The following PCDH15 variants were observed in gnomAD, a reference collection of about 807,000 sequenced individuals.
PCDH15 encodes the protein protocadherin related 15.
A neutral mutation model predicts 178.5 loss-of-function variants in PCDH15; 129 were observed. That is an observed-to-expected ratio of 0.72 (90% CI 0.63 to 0.84). The LOEUF (loss-of-function observed/expected upper bound fraction) is 0.84, where lower values mean the gene tolerates loss of function less well. Ranked by LOEUF, PCDH15 falls within the 40% of genes least tolerant of loss-of-function variation. The pLI is 0.00. For missense variants in PCDH15, 2,230 were observed against 2,099.9 expected, an observed-to-expected ratio of 1.06 and a Z score of -1.21; for synonymous variants, 800 against 732.0, an observed-to-expected ratio of 1.09 and a Z score of -1.50.
At chr10:54,164,412 C>T (rs996746186) in intron 13 of PCDH15, among the ~76,000 whole-genome samples, 2 of 151,964 alleles carry the variant, frequency 1.3e-5, no homozygotes, top group Non-Finnish European at 2.9e-5. Flanking sequence ...TTTGGATGGG[C>T]AACATAAAAC....
At chr10:54,369,308 T>G (rs765607426) in intron 4 of PCDH15, 33 bp from the exon 5 acceptor site, 1 of 1,600,956 alleles carries the variant, frequency 6.2e-7, no homozygotes. Flanking sequence ...TTTAAAATAC[T>G]AATTAAAAAC....
At chr10:54,497,912 A>G (rs1359638265) in intron 3 of PCDH15, among the ~76,000 whole-genome samples, 3 of 152,098 alleles carry the variant, frequency 2.0e-5, no homozygotes, top group Admixed American at 6.6e-5. Context: ...AATTTCTCCA[A>G]CTTGCTAGAG....
intron 1 of PCDH15, among the ~76,000 whole-genome samples, chr10:54,731,040 T>G (rs1197244564): frequency 2.0e-5 from 3 of 151,250 alleles, no homozygotes; most frequent in African/African-American, 7.3e-5. Flanking sequence ...CCAGAATATA[T>G]AAGGAGCTCA....
intron 2 of PCDH15, among the ~76,000 whole-genome samples, chr10:54,599,330 C>G (rs117914576): frequency 2.2e-3 from 341 of 151,960 alleles, no homozygotes; most frequent in Non-Finnish European, 3.8e-3. Flanking sequence ...AAAAACAAAA[C>G]AGAGAGTCAA....
intron 2 of PCDH15, among the ~76,000 whole-genome samples, chr10:55,084,956 A>T (rs1225128430): frequency 6.6e-6 from 1 of 151,950 alleles, no homozygotes; most frequent in Non-Finnish European, 1.5e-5. Flanking sequence ...AAGGAAAGGG[A>T]CCTCACATAC....
At chr10:55,616,562 T>G (rs1843481983) in intron 2 of PCDH15, among the ~76,000 whole-genome samples, 1 of 151,706 alleles carries the variant, frequency 6.6e-6, no homozygotes, top group Non-Finnish European at 1.5e-5. Context: ...TACAGAAATT[T>G]GTAATGAGAA....
chr10:54,261,143 T>C (rs982888533), intron 8 of PCDH15, among the ~76,000 whole-genome samples: 5 of 152,132 alleles, frequency 3.3e-5, no homozygotes, highest in African/African-American at 9.7e-5. Flanking sequence ...GATAAAGACA[T>C]AAAAATGAAG....
intron 10 of PCDH15, among the ~76,000 whole-genome samples, chr10:54,206,477 C>T (rs1490712285): frequency 1.3e-5 from 2 of 151,920 alleles, no homozygotes; most frequent in African/African-American, 2.4e-5. Context: ...ATTATTTTAT[C>T]CTGCCTTTTG....
At chr10:55,602,901 G>A (rs757761377) in intron 2 of PCDH15, among the ~76,000 whole-genome samples, 3 of 152,178 alleles carry the variant, frequency 2.0e-5, no homozygotes, top group Non-Finnish European at 4.4e-5. Context: ...TGACTTTGAT[G>A]AGCTGAGAGA....
Position 53,876,203 on chromosome 10 carries a change from T to TG in PCDH15, c.3502-9347_3502-9346insC, listed in dbSNP as rs1459906437. ...GTTTTTTTTTTTGTTTTTTTGTTTT[T>TG]TTTTTGACACAGTCTTGCTCTGTCA... On this transcript the variant is annotated intron_variant, in intron 26 of 37. Coordinates refer to ENST00000644397, the MANE Select transcript of PCDH15 (RefSeq NM_001384140.1). 4.8e-3 allele frequency among the ~76,000 whole-genome samples: 406 copies of TG among 85,460 alleles called. 4 individuals carry two copies. Among genetic ancestry groups the TG allele is most frequent in the African/African-American group, 0.013 (376 of 29,928 alleles). 56.1% of individuals were successfully genotyped at this position (85,460 alleles called of 152,430 possible).
intron 2 of PCDH15, among the ~76,000 whole-genome samples, chr10:54,648,887 T>C (rs1415105032): frequency 2.0e-5 from 3 of 152,158 alleles, no homozygotes; most frequent in Admixed American, 1.3e-4. Flanking sequence ...AAATCTTTGA[T>C]ACAACCACAT....
At chr10:55,526,303 G>A (rs1841300220) in intron 2 of PCDH15, among the ~76,000 whole-genome samples, 1 of 151,880 alleles carries the variant, frequency 6.6e-6, no homozygotes, top group Admixed American at 6.6e-5. Context: ...AAATTCATCT[G>A]TGTATATCCA....
At chr10:55,133,499 C>A (rs1484343352) in intron 2 of PCDH15, among the ~76,000 whole-genome samples, 1 of 152,038 alleles carries the variant, frequency 6.6e-6, no homozygotes, top group African/African-American at 2.4e-5. Context: ...GATTTACAAC[C>A]CATTCATCTC....
At chr10:54,599,314 G>C (rs2092410414) in intron 2 of PCDH15, among the ~76,000 whole-genome samples, 1 of 151,914 alleles carries the variant, frequency 6.6e-6, no homozygotes, top group Non-Finnish European at 1.5e-5. Flanking sequence ...CATATGCATA[G>C]ACCAAAAAAA....
At chr10:54,667,558 G>T (rs775917322) in intron 1 of PCDH15, among the ~76,000 whole-genome samples, 10 of 152,046 alleles carry the variant, frequency 6.6e-5, no homozygotes, top group Non-Finnish European at 1.5e-4. Flanking sequence ...AAAAGAGAAA[G>T]TCCTATAGGA....
At chr10:53,881,890 G>A (rs900089899) in intron 26 of PCDH15, among the ~76,000 whole-genome samples, 2 of 151,962 alleles carry the variant, frequency 1.3e-5, no homozygotes, top group African/African-American at 4.8e-5. Flanking sequence ...TTTATCTGAA[G>A]AGTTGGCCCC....
intron 2 of PCDH15, among the ~76,000 whole-genome samples, chr10:55,463,617 C>T (rs1240781073): frequency 2.6e-5 from 4 of 151,984 alleles, no homozygotes; most frequent in African/African-American, 9.7e-5. Context: ...CATGATCACG[C>T]CACTGCCCAA....
In PCDH15 at chr10:55,219,897, C is replaced by CACAG. The variant is rs1480149962; in HGVS notation, c.-155-53247_-155-53246insCTGT. On this transcript the variant is annotated intron_variant, in intron 1 of 5. Coordinates refer to the PCDH15 transcript ENST00000458638. The stretch of plus-strand genomic sequence containing the variant: ...GATATCAGTCACACACACACACACA[C>CACAG]ACACACACACACACAGTGAATTTCC... Among the ~76,000 whole-genome samples, 449 of 151,582 alleles carry CACAG rather than the reference C, an allele frequency of 3.0e-3. 7 individuals carry two copies. Among genetic ancestry groups the CACAG allele is most frequent in the African/African-American group, 0.01 (416 of 41,248 alleles).
intron 14 of PCDH15, among the ~76,000 whole-genome samples, chr10:54,151,856 C>T (rs992872818): frequency 1.3e-5 from 2 of 152,022 alleles, no homozygotes; most frequent in Non-Finnish European, 1.5e-5. Context: ...GGAGAGGGAA[C>T]ATTTTGGAGG....
Sources: allele counts gnomAD v4.1 joint callset (sites outside exome capture counted in the v4.1 genomes callset), GRCh38; gene constraint gnomAD v4.1.1; transcripts MANE v1.5; gene names NCBI Gene and HGNC (gene_info 2026-07-23, HGNC 2026-07-21).